The following PRKCSH variants were observed in gnomAD, a reference collection of about 807,000 sequenced individuals.
PRKCSH encodes the protein glucosidase 2 subunit beta.
Under a neutral mutation model 79.7 loss-of-function variants are expected in PRKCSH, and 42 were observed. The observed-to-expected ratio is 0.53, with a 90% CI of 0.41 to 0.68. The LOEUF (loss-of-function observed/expected upper bound fraction) is 0.68. PRKCSH is among the 30% of genes least tolerant of loss of function. PRKCSH has a pLI of 0.00. For synonymous variants in PRKCSH, 325 were observed against 288.2 expected, an observed-to-expected ratio of 1.13 and a Z score of -1.29; for missense variants, 686 against 709.0, an observed-to-expected ratio of 0.97 and a Z score of 0.37.
chr19:11,441,495 A>G lies in PRKCSH; in HGVS notation c.468+138A>G, dbSNP rs960722808. 1.3e-5 allele frequency: 11 copies of G among 824,096 alleles called. No individual in the cohort carries two copies. In the Admixed American group the frequency reaches 1.9e-4, roughly 15 times the overall value. The allele number at this position is 824,096 out of a possible 1,614,324, so 51.0% of individuals were successfully genotyped here. ...CTGCCTTTCGGAGCTTTGCTTTCTCAGTTGTGTGCTAGGCGTTTAGTCATT... is the reference window on the plus strand; with the variant it reads ...CTGCCTTTCGGAGCTTTGCTTTCTCGGTTGTGTGCTAGGCGTTTAGTCATT... On this transcript the variant is annotated intron_variant, in intron 6 of 17. Coordinates refer to ENST00000677123, the MANE Select transcript of PRKCSH (RefSeq NM_001289104.2).
At chr19:11,443,634 C>G (rs965503454) in intron 7 of PRKCSH, among the ~76,000 whole-genome samples, 1 of 152,076 alleles carries the variant, frequency 6.6e-6, no homozygotes, top group Non-Finnish European at 1.5e-5. Context: ...CGCTGGAACC[C>G]GGGAGACAGA....
intron 3 of PRKCSH, 85 bp from the exon 4 acceptor site, chr19:11,437,791 G>A (rs997362651): frequency 8.7e-7 from 1 of 1,150,332 alleles, no homozygotes; most frequent in African/African-American, 1.5e-5. Context: ...GTGCAGTGTG[G>A]GTCAGGGGCT....
Position 11,438,180 on chromosome 19 carries a change from C to T in PRKCSH, c.350+56C>T, listed in dbSNP as rs989476024. 4 of 1,582,236 alleles carry T rather than the reference C, an allele frequency of 2.5e-6. No individual in the cohort carries two copies. The Admixed American group carries it at 5.0e-5, about 20-fold the overall frequency. Reference sequence around the variant, plus strand: ...CCCACCCCAAGACTTTGCCTGGCTCCACCCAGTGAATCGGGCCCACTCTCT... The same window carrying T: ...CCCACCCCAAGACTTTGCCTGGCTCTACCCAGTGAATCGGGCCCACTCTCT... On this transcript the variant is annotated intron_variant, in intron 5 of 17. Coordinates refer to ENST00000677123, the MANE Select transcript of PRKCSH (RefSeq NM_001289104.2).
In PRKCSH at chr19:11,448,525, C is replaced by T. The variant is rs202044278; in HGVS notation, c.1197-15C>T. The T allele has an allele frequency of 2.9e-5, 47 of 1,612,338 alleles. No individual in the cohort carries two copies. The highest frequency in any genetic ancestry group is 1.7e-4 in the Middle Eastern group (1 of 6,056). On this transcript the variant is annotated splice_polypyrimidine_tract_variant and intron_variant, in intron 13 of 17. Transcript: ENST00000677123. The surrounding 1 kb of genome is among the most constrained non-coding windows in gnomAD (Gnocchi z 4.4). ...GTCCCCAGCTGCCCCTTAACCGCTC[C>T]GCCTCCCCTTCCAGGAACCTGGAGC...
intron 3 of PRKCSH, 173 bp downstream of exon 3, chr19:11,436,678 C>T (rs1004491005): frequency 1.3e-5 from 8 of 633,634 alleles, no homozygotes; most frequent in African/African-American, 9.1e-5. Flanking sequence ...AGCCCAGAGT[C>T]GTCCTCCTCC....
Position 11,442,738 on chromosome 19 carries a change from G to A in PRKCSH, c.598+223G>A, listed in dbSNP as rs548164867. 3.3e-5 allele frequency among the ~76,000 whole-genome samples: 5 copies of A among 152,266 alleles called. No homozygotes were observed. The South Asian group carries it at 8.3e-4, about 25-fold the overall frequency. On this transcript the variant is annotated intron_variant, in intron 7 of 17. Transcript: ENST00000677123. ...GTTTTTTGAAACAGCGTCTCCCTCT[G>A]CCACCCGGGCTGGAGTACAGTGGCG...
Position 11,449,464 on chromosome 19 carries a change from A to G in PRKCSH, c.*16+36A>G, listed in dbSNP as rs1188338353. 1 of 1,611,756 alleles carries G rather than the reference A, an allele frequency of 6.2e-7. No individual in the cohort carries two copies. ...AGGTGGAGTCTCGTCGGCCTGCCCC[A>G]GCAAGGGGAGGCGGCGGGCCCTGAG... On this transcript the variant is annotated intron_variant, in intron 17 of 17. Transcript: ENST00000677123. This position sits in a 1 kb window ranked among gnomAD's most constrained non-coding sequence, Gnocchi z 6.4.
At chr19:11,441,825 C>A (rs1339226324) in intron 6 of PRKCSH, among the ~76,000 whole-genome samples, 1 of 152,228 alleles carries the variant, frequency 6.6e-6, no homozygotes, top group African/African-American at 2.4e-5. Flanking sequence ...GGGCAGGAGG[C>A]TGGAAACCGA....
In PRKCSH at chr19:11,447,765, G is replaced by A. The variant is rs769150068; in HGVS notation, c.1102G>A (p.Glu368Lys). ...AEEDKMPPYD[E>K]QTQAFIDAAQ... ...GGAAGACAAAATGCCGCCCTACGAC[G>A]AGCAGACGCAGGCCTTCATCGATGG... Residue 368 changes from glutamate to lysine, a missense_variant, in exon 12 of 18, where the codon GAG becomes AAG. Coordinates refer to ENST00000677123, the MANE Select transcript of PRKCSH (RefSeq NM_001289104.2). This position sits in a 1 kb window ranked among gnomAD's most constrained non-coding sequence, Gnocchi z 5.6. 6.9e-6 allele frequency: 11 copies of A among 1,589,846 alleles called. No homozygotes were observed. Among genetic ancestry groups the A allele is most frequent in the African/African-American group, 6.7e-5 (5 of 74,494 alleles).
At chr19:11,439,610 T>C (rs1321539903) in intron 5 of PRKCSH, among the ~76,000 whole-genome samples, 45 of 97,694 alleles carry the variant, frequency 4.6e-4, no homozygotes, top group Admixed American at 9.6e-4. Context: ...CTTTTCTTTT[T>C]TTTTTTTTTT....
chr19:11,438,270 T>A (rs922730868), intron 5 of PRKCSH, 146 bp downstream of exon 5: 1 of 896,826 alleles, frequency 1.1e-6, no homozygotes, highest in African/African-American at 1.7e-5. Context: ...AATCCCCACC[T>A]TTCCCTCTAG....
chr19:11,447,248 C>A lies in PRKCSH; in HGVS notation c.849+88C>A. On this transcript the variant is annotated intron_variant, in intron 10 of 17. Coordinates refer to ENST00000677123, the MANE Select transcript of PRKCSH (RefSeq NM_001289104.2). The surrounding 1 kb of genome is among the most constrained non-coding windows in gnomAD (Gnocchi z 5.6). ...AAAGGAGCTGCCTCTGGTTCTGGCA[C>A]CTGGCCACCCTGGCCAGCTGGGTGG... 2.0e-6 allele frequency: 3 copies of A among 1,463,770 alleles called. No homozygotes were observed. The highest frequency in any genetic ancestry group is 2.8e-6 in the Non-Finnish European group (3 of 1,061,174). 90.7% of individuals were successfully genotyped at this position (1,463,770 alleles called of 1,614,324 possible). A position where few individuals can be genotyped will look rare whatever the true frequency, so the allele number is the denominator to read the frequency against.
rs1299665035 is a variant in PRKCSH at position 11,449,058 on chromosome 19, A to G, written c.1362-18A>G. On this transcript the variant is annotated intron_variant, in intron 15 of 17. Coordinates refer to ENST00000677123, the MANE Select transcript of PRKCSH (RefSeq NM_001289104.2). This position sits in a 1 kb window ranked among gnomAD's most constrained non-coding sequence, Gnocchi z 6.4. The stretch of plus-strand genomic sequence containing the variant: ...CCCCGACACCGGCCCAGCCCTCAGC[A>G]CCCTGTGTCTCTCACAGCACCTGGG... 1.9e-6 allele frequency: 3 copies of G among 1,612,918 alleles called. No individual in the cohort carries two copies. The highest frequency in any genetic ancestry group is 2.2e-5 in the East Asian group (1 of 44,860).
intron 8 of PRKCSH, 152 bp downstream of exon 8, chr19:11,445,625 A>C: frequency 1.3e-6 from 1 of 768,972 alleles, no homozygotes; most frequent in Non-Finnish European, 2.2e-6. Flanking sequence ...CCCGCCTCTT[A>C]CTCGTGGATG....
chr19:11,449,571 C>A lies in PRKCSH; in HGVS notation c.*16+143C>A. The A allele has an allele frequency of 8.7e-7, 1 of 1,152,594 alleles. No individual in the cohort carries two copies. The highest frequency in any genetic ancestry group is 2.2e-5 in the Admixed American group (1 of 45,768). The allele number at this position is 1,152,594 out of a possible 1,614,324, so 71.4% of individuals were successfully genotyped here. On this transcript the variant is annotated intron_variant, in intron 17 of 17. Coordinates refer to ENST00000677123, the MANE Select transcript of PRKCSH (RefSeq NM_001289104.2). The surrounding 1 kb of genome is among the most constrained non-coding windows in gnomAD (Gnocchi z 6.4). ...TTGTTTTGTTTTTTTGAGGTGGAGTCTCACTCTTTGGCCCAGGCTGGAGTG... is the reference window on the plus strand; with the variant it reads ...TTGTTTTGTTTTTTTGAGGTGGAGTATCACTCTTTGGCCCAGGCTGGAGTG...
chr19:11,447,790 G>T lies in PRKCSH; in HGVS notation c.1126+1G>T, dbSNP rs1470427970. The T allele has an allele frequency of 1.3e-6, 2 of 1,567,364 alleles. No homozygotes were observed. On this transcript the variant is annotated splice_donor_variant, in intron 12 of 17. Coordinates refer to ENST00000677123, the MANE Select transcript of PRKCSH (RefSeq NM_001289104.2). LOFTEE classifies it high-confidence loss of function. The surrounding 1 kb of genome is among the most constrained non-coding windows in gnomAD (Gnocchi z 5.6). Reference sequence around the variant, plus strand: ...GAGCAGACGCAGGCCTTCATCGATGGTGAGGGTGGGCGGGGGCCAGGCTCC... The same window carrying T: ...GAGCAGACGCAGGCCTTCATCGATGTTGAGGGTGGGCGGGGGCCAGGCTCC...
intron 17 of PRKCSH, among the ~76,000 whole-genome samples, chr19:11,450,201 C>T (rs1017977893): frequency 2.6e-5 from 4 of 150,952 alleles, no homozygotes; most frequent in African/African-American, 9.7e-5. Context: ...GGCCAGGCGT[C>T]GTGGCTCACA....
In PRKCSH at chr19:11,438,101, C is replaced by T. The variant is rs766039060; in HGVS notation, c.327C>T (p.Gly109=). The change falls in exon 5 of 18, where the codon GGC becomes GGT. Residue 109 remains glycine, a synonymous_variant. Coordinates refer to ENST00000677123, the MANE Select transcript of PRKCSH (RefSeq NM_001289104.2). ...ATGGAACAGACGAGTACAACAGCGG[C>T]GTCATCTGTGAGAACACCTGCAAGT... The part of the protein sequence containing the change: ...CCDGTDEYNS[G]VICENTCKEK... 9.9e-6 allele frequency: 16 copies of T among 1,614,122 alleles called. No homozygotes were observed. Among genetic ancestry groups the T allele is most frequent in the Admixed American group, 1.7e-5 (1 of 60,004 alleles).
intron 5 of PRKCSH, among the ~76,000 whole-genome samples, chr19:11,438,381 C>T (rs559417438): frequency 2.6e-5 from 4 of 152,200 alleles, no homozygotes; most frequent in Admixed American, 6.6e-5. Context: ...ATAGCAGAGC[C>T]GGCACTTGGA....
Sources: allele counts gnomAD v4.1 joint callset (sites outside exome capture counted in the v4.1 genomes callset), GRCh38; gene constraint gnomAD v4.1.1; non-coding constraint Gnocchi (gnomAD v3.1); transcripts MANE v1.5; gene names NCBI Gene and HGNC (gene_info 2026-07-23, HGNC 2026-07-21).